KIF6: variants seen among roughly 807,000 people sequenced by gnomAD.
KIF6 encodes the protein kinesin-like protein KIF6.
Under a neutral mutation model 112.7 loss-of-function variants are expected in KIF6, and 106 were observed. That is an observed-to-expected ratio of 0.94 (90% CI 0.80 to 1.11). KIF6 has a LOEUF of 1.11. Among genes scored for constraint, KIF6 ranks in the 50% least tolerant of loss-of-function variants. The probability of loss-of-function intolerance (pLI) is 0.00; values close to 1 mark genes in which losing one functional copy is unlikely to be tolerated. For missense variants in KIF6, 929 were observed against 964.0 expected, an observed-to-expected ratio of 0.96 and a Z score of 0.48; for synonymous variants, 339 against 339.9, an observed-to-expected ratio of 1.00 and a Z score of 0.03.
intron 14 of KIF6, among the ~76,000 whole-genome samples, chr6:39,421,773 G>C (rs545931913): frequency 2.0e-5 from 3 of 152,102 alleles, no homozygotes; most frequent in Non-Finnish European, 4.4e-5. Context: ...CCTCAGCGAC[G>C]GCCTGTCACC....
intron 3 of KIF6, among the ~76,000 whole-genome samples, chr6:39,677,676 TC>T (rs1332374094): frequency 7.5e-5 from 7 of 93,842 alleles, no homozygotes; most frequent in African/African-American, 3.4e-4. Flanking sequence ...ATGCTATCCC[TC>T]CCCCCTCCCC....
chr6:39,352,523 T>C (rs1387447031), intron 19 of KIF6, among the ~76,000 whole-genome samples: 1 of 152,136 alleles, frequency 6.6e-6, no homozygotes, highest in Non-Finnish European at 1.5e-5. Flanking sequence ...GTTGGAATCA[T>C]ATAATACATA....
intron 13 of KIF6, among the ~76,000 whole-genome samples, chr6:39,517,691 C>A (rs140133252): frequency 1.3e-5 from 2 of 152,248 alleles, no homozygotes; most frequent in Non-Finnish European, 2.9e-5. Flanking sequence ...GAGTAATGAG[C>A]AGTGAAGTTA....
At chr6:39,640,883 G>C (rs1354157839) in intron 3 of KIF6, among the ~76,000 whole-genome samples, 1 of 152,120 alleles carries the variant, frequency 6.6e-6, no homozygotes, top group African/African-American at 2.4e-5. Flanking sequence ...TGCTGTGTAG[G>C]TAGAAAGTGT....
chr6:39,465,413 C>G (rs969766387), intron 13 of KIF6, among the ~76,000 whole-genome samples: 28 of 152,160 alleles, frequency 1.8e-4, no homozygotes, highest in African/African-American at 6.8e-4. Context: ...CTGGACTCCT[C>G]CCTTCTCTTC....
At chr6:39,660,415 G>C (rs1345399379) in intron 3 of KIF6, among the ~76,000 whole-genome samples, 1 of 152,170 alleles carries the variant, frequency 6.6e-6, no homozygotes, top group East Asian at 1.9e-4. Context: ...AATCATCTCA[G>C]CATAGTGGGT....
At chr6:39,354,147 A>G in intron 19 of KIF6, 1 of 347,406 alleles carries the variant, frequency 2.9e-6, no homozygotes. Flanking sequence ...CTAGCATGTG[A>G]CCTGCTGCCC....
chr6:39,441,383 G>A (rs544548244), intron 13 of KIF6, among the ~76,000 whole-genome samples: 2 of 152,254 alleles, frequency 1.3e-5, no homozygotes, highest in South Asian at 2.1e-4. Context: ...TCATCATGCC[G>A]GTGCCACCTG....
intron 13 of KIF6, among the ~76,000 whole-genome samples, chr6:39,432,830 C>T (rs1206404583): frequency 6.6e-6 from 1 of 152,152 alleles, no homozygotes; most frequent in Non-Finnish European, 1.5e-5. Flanking sequence ...TAATAACAGA[C>T]AGTAGAGGGC....
chr6:39,689,757 T>G (rs888191581), intron 3 of KIF6, among the ~76,000 whole-genome samples: 3 of 151,896 alleles, frequency 2.0e-5, no homozygotes, highest in African/African-American at 7.3e-5. Flanking sequence ...GGCATACACC[T>G]CCATGCTAAG....
At chr6:39,498,131 C>G (rs1017046060) in intron 13 of KIF6, among the ~76,000 whole-genome samples, 1 of 152,142 alleles carries the variant, frequency 6.6e-6, no homozygotes, top group Non-Finnish European at 1.5e-5. Context: ...TGGGCCTATA[C>G]AGAGACCAAA....
intron 13 of KIF6, among the ~76,000 whole-genome samples, chr6:39,484,739 A>G (rs961710003): frequency 6.6e-6 from 1 of 152,202 alleles, no homozygotes. Context: ...ATTTTTCTCC[A>G]CATTAAGCTA....
intron 13 of KIF6, among the ~76,000 whole-genome samples, chr6:39,507,382 G>A (rs1776480770): frequency 6.6e-6 from 1 of 152,162 alleles, no homozygotes; most frequent in African/African-American, 2.4e-5. Context: ...GATAGAAGGA[G>A]ATGACAAAAT....
chr6:39,359,505 A>G (rs1764965379), intron 18 of KIF6, among the ~76,000 whole-genome samples: 1 of 152,244 alleles, frequency 6.6e-6, no homozygotes, highest in African/African-American at 2.4e-5. Flanking sequence ...CTGTAGGATA[A>G]TAACATGAAA....
intron 14 of KIF6, 151 bp downstream of exon 14, chr6:39,430,902 C>A (rs540167508): frequency 5.3e-6 from 3 of 566,380 alleles, no homozygotes; most frequent in East Asian, 2.9e-5. Flanking sequence ...TTGTACCAGG[C>A]TGGACATAAT....
At chr6:39,673,732 G>T (rs1786973146) in intron 3 of KIF6, among the ~76,000 whole-genome samples, 1 of 152,198 alleles carries the variant, frequency 6.6e-6, no homozygotes. Context: ...CTTCAAAGAG[G>T]AAATATTGAC....
intron 13 of KIF6, among the ~76,000 whole-genome samples, chr6:39,470,172 T>C (rs1468353781): frequency 6.6e-6 from 1 of 151,946 alleles, no homozygotes; most frequent in Non-Finnish European, 1.5e-5. Flanking sequence ...AGGGGAGGGT[T>C]GAGAGTTGGG....
chr6:39,491,090 C>T (rs891997966), intron 13 of KIF6, among the ~76,000 whole-genome samples: 1 of 152,132 alleles, frequency 6.6e-6, no homozygotes, highest in African/African-American at 2.4e-5. Context: ...CTCCTTGAAT[C>T]TGAGTGGATC....
intron 14 of KIF6, among the ~76,000 whole-genome samples, chr6:39,429,780 T>A (rs182561228): frequency 6.6e-6 from 1 of 151,738 alleles, no homozygotes; most frequent in Non-Finnish European, 1.5e-5. Context: ...TGGTGGCGGG[T>A]GCCTGTAGTC....
Sources: allele counts gnomAD v4.1 joint callset (sites outside exome capture counted in the v4.1 genomes callset), GRCh38; gene constraint gnomAD v4.1.1; transcripts MANE v1.5; gene names NCBI Gene and HGNC (gene_info 2026-07-23, HGNC 2026-07-21).